The following BTRC variants were observed in gnomAD, a reference collection of about 807,000 sequenced individuals.
BTRC encodes beta-transducin repeat containing E3 ubiquitin protein ligase.
A neutral mutation model predicts 85.5 loss-of-function variants in BTRC; 42 were observed. The observed-to-expected ratio is 0.49, with a 90% CI of 0.38 to 0.64. The LOEUF (loss-of-function observed/expected upper bound fraction) is 0.64, where lower values mean the gene tolerates loss of function less well. Ranked by LOEUF, BTRC falls within the 30% of genes least tolerant of loss-of-function variation. The pLI is 0.00. For missense variants in BTRC, 594 were observed against 743.5 expected (o/e 0.80, Z 2.34); for synonymous variants, 255 against 263.3 (o/e 0.97, Z 0.30).
chr10:101,384,354 A>G (rs934189499), intron 1 of BTRC, among the ~76,000 whole-genome samples: 1 of 152,212 alleles, frequency 6.6e-6, no homozygotes, highest in Non-Finnish European at 1.5e-5. Context: ...TGAAGCAGCT[A>G]TTTCTTTCCG....
chr10:101,541,097 T>TC (rs2062458337), intron 13 of BTRC, among the ~76,000 whole-genome samples: 1 of 150,180 alleles, frequency 6.7e-6, no homozygotes. Context: ...CTCTCCCTCT[T>TC]TTTTTTTTTT....
chr10:101,527,199 G>A (rs2062205287), intron 6 of BTRC, among the ~76,000 whole-genome samples: 1 of 152,166 alleles, frequency 6.6e-6, no homozygotes, highest in Non-Finnish European at 1.5e-5. Flanking sequence ...GAGGAAAACA[G>A]TTAAAAGTAG....
chr10:101,432,698 A>G (rs1944432339), intron 2 of BTRC, among the ~76,000 whole-genome samples: 1 of 152,120 alleles, frequency 6.6e-6, no homozygotes, highest in African/African-American at 2.4e-5. Flanking sequence ...AAACAATTAT[A>G]CTCACAGTTT....
intron 3 of BTRC, among the ~76,000 whole-genome samples, chr10:101,477,334 T>C (rs548451126): frequency 8.6e-5 from 13 of 152,030 alleles, no homozygotes; most frequent in Admixed American, 2.0e-4. Flanking sequence ...TCCTTCCAGA[T>C]GATTCTGATG....
At chr10:101,434,920 C>G (rs772833143) in intron 2 of BTRC, among the ~76,000 whole-genome samples, 6 of 151,934 alleles carry the variant, frequency 3.9e-5, no homozygotes, top group Non-Finnish European at 8.8e-5. Context: ...CTGGCATGAG[C>G]CACTGCACCT....
intron 6 of BTRC, among the ~76,000 whole-genome samples, chr10:101,527,612 G>C (rs550285704): frequency 6.6e-6 from 1 of 152,020 alleles, no homozygotes; most frequent in Non-Finnish European, 1.5e-5. Flanking sequence ...AAATTAGCTG[G>C]GCCTGGTGGC....
chr10:101,430,311 A>G (rs748982725), intron 1 of BTRC, 34 bp from the exon 2 acceptor site: 3 of 1,480,606 alleles, frequency 2.0e-6, no homozygotes, highest in African/African-American at 2.8e-5. Flanking sequence ...CCTGTCTCAT[A>G]CTGTCCCATC....
intron 4 of BTRC, among the ~76,000 whole-genome samples, chr10:101,481,698 C>T (rs1344587455): frequency 2.0e-5 from 3 of 152,134 alleles, no homozygotes; most frequent in African/African-American, 7.2e-5. Context: ...TTGCTCATTG[C>T]TGCTCATCAG....
At chr10:101,536,687 A>T in intron 12 of BTRC, 34 bp downstream of exon 12, 1 of 1,478,304 alleles carries the variant, frequency 6.8e-7, no homozygotes, top group African/African-American at 1.4e-5. Context: ...AAAAGAGAAA[A>T]TCTACGTCTT....
intron 1 of BTRC, among the ~76,000 whole-genome samples, chr10:101,396,470 G>T (rs976022877): frequency 6.7e-6 from 1 of 149,746 alleles, no homozygotes; most frequent in African/African-American, 2.5e-5. Context: ...GGTCTCGAGC[G>T]AGGTAAAGAT....
At chr10:101,547,528 A>G (rs1252539983) in intron 13 of BTRC, among the ~76,000 whole-genome samples, 1 of 151,220 alleles carries the variant, frequency 6.6e-6, no homozygotes, top group Non-Finnish European at 1.5e-5. Flanking sequence ...TTTAGTAGAG[A>G]CTGGGTTTCT....
intron 1 of BTRC, among the ~76,000 whole-genome samples, chr10:101,382,560 A>G (rs2133962739): frequency 6.6e-6 from 1 of 152,148 alleles, no homozygotes; most frequent in African/African-American, 2.4e-5. Context: ...CAGAAGGCAT[A>G]TAATGTCAGT....
intron 2 of BTRC, among the ~76,000 whole-genome samples, chr10:101,444,127 C>T (rs906525859): frequency 6.6e-6 from 1 of 152,066 alleles, no homozygotes; most frequent in African/African-American, 2.4e-5. Context: ...TATCTCATCT[C>T]AGCAAAAAAG....
At chr10:101,478,633 A>C (rs767168545) in intron 3 of BTRC, among the ~76,000 whole-genome samples, 3 of 151,874 alleles carry the variant, frequency 2.0e-5, no homozygotes, top group Non-Finnish European at 4.4e-5. Flanking sequence ...TCTACAAAAA[A>C]TACAAAAAAT....
chr10:101,398,822 AT>A (rs1943427532), intron 1 of BTRC, among the ~76,000 whole-genome samples: 1 of 152,232 alleles, frequency 6.6e-6, no homozygotes, highest in Non-Finnish European at 1.5e-5. Context: ...GAATATTTTC[AT>A]GAAAATCCAG....
intron 4 of BTRC, among the ~76,000 whole-genome samples, chr10:101,506,917 C>T (rs551638787): frequency 2.0e-5 from 3 of 152,094 alleles, no homozygotes. Context: ...CTCAGGGTCT[C>T]TGAAAAAATT....
At chr10:101,481,559 A>AGT (rs199675862) in intron 4 of BTRC, among the ~76,000 whole-genome samples, 196 of 121,506 alleles carry the variant, frequency 1.6e-3, no homozygotes, top group African/African-American at 1.5e-3. Context: ...TATGATGTGG[A>AGT]GTTTTTTTTT....
chr10:101,359,604 A>ATTTTTTT (rs57925473), intron 1 of BTRC, among the ~76,000 whole-genome samples: 1 of 137,932 alleles, frequency 7.2e-6, no homozygotes, highest in Non-Finnish European at 1.6e-5. Context: ...ATTTTGTTGT[A>ATTTTTTT]TTTTTTTTTT....
At chr10:101,364,517 G>C (rs554714259) in intron 1 of BTRC, among the ~76,000 whole-genome samples, 1 of 152,168 alleles carries the variant, frequency 6.6e-6, no homozygotes, top group Admixed American at 6.5e-5. Context: ...CCATCTCTTC[G>C]CTGCACCTAA....
Sources: gnomAD v4.1 joint callset for allele counts (sites outside exome capture counted in the v4.1 genomes callset) on GRCh38, gnomAD v4.1.1 for gene constraint, MANE v1.5 for transcripts, NCBI Gene and HGNC (gene_info 2026-07-23, HGNC 2026-07-21) for gene names.